Variants in DRC8 observed in about 807,000 individuals in gnomAD.
DRC8 encodes dynein regulatory complex subunit 8, also known as dynein regulatory complex protein 8.
At chr1:245,086,718 A>G in the DRC8 span, 4 of 533,180 alleles carry the variant, frequency 7.5e-6, no homozygotes, top group African/African-American at 7.7e-5. Context: ...TTCTCATGAC[A>G]ACCCTATGTG....
At chr1:245,105,581 C>G in the DRC8 span, among the ~76,000 whole-genome samples, 1 of 146,812 alleles carries the variant, frequency 6.8e-6, no homozygotes, top group Non-Finnish European at 1.5e-5. Flanking sequence ...CATGATCACA[C>G]CATTGCGCTT....
At chr1:245,068,615 T>TG in the DRC8 span, among the ~76,000 whole-genome samples, 2 of 151,830 alleles carry the variant, frequency 1.3e-5, no homozygotes, top group African/African-American at 2.4e-5. Context: ...CTAATTTTTT[T>TG]TTTTTTTTTA....
chr1:245,101,903 T>C, the DRC8 span, among the ~76,000 whole-genome samples: 2 of 152,222 alleles, frequency 1.3e-5, no homozygotes, highest in Non-Finnish European at 2.9e-5. Flanking sequence ...CCTGGATATA[T>C]GGCATAAGAC....
At chr1:245,108,954 G>A in the DRC8 span, among the ~76,000 whole-genome samples, 1 of 152,190 alleles carries the variant, frequency 6.6e-6, no homozygotes, top group Non-Finnish European at 1.5e-5. Flanking sequence ...GTCAAAAGCA[G>A]AACCTGAAAC....
At chr1:245,067,036 T>C in the DRC8 span, among the ~76,000 whole-genome samples, 5 of 152,224 alleles carry the variant, frequency 3.3e-5, no homozygotes, top group Non-Finnish European at 7.3e-5. Flanking sequence ...TACCTTCACA[T>C]TATAAATTTA....
At chr1:245,047,507 C>G in the DRC8 span, among the ~76,000 whole-genome samples, 6 of 151,662 alleles carry the variant, frequency 4.0e-5, no homozygotes, top group South Asian at 1.3e-3. Context: ...TGGTGGCGGG[C>G]GCCTGTAATT....
At chr1:245,010,489 C>T in the DRC8 span, among the ~76,000 whole-genome samples, 1 of 152,054 alleles carries the variant, frequency 6.6e-6, no homozygotes, top group Non-Finnish European at 1.5e-5. Flanking sequence ...TTGTGGTTGT[C>T]GCTGTGCAGA....
chr1:245,000,956 G>T, the DRC8 span, among the ~76,000 whole-genome samples: 1 of 152,010 alleles, frequency 6.6e-6, no homozygotes. Context: ...GCTTGGTGGA[G>T]GAGACTGCAG....
chr1:245,009,028 C>CT, the DRC8 span, among the ~76,000 whole-genome samples: 28,530 of 64,302 alleles, frequency 0.44, 7,499 homozygotes, highest in East Asian at 0.57. Context: ...TTATGCTTTT[C>CT]TTTTTTTTTT....
chr1:245,085,723 G>T, the DRC8 span, among the ~76,000 whole-genome samples: 2 of 152,168 alleles, frequency 1.3e-5, no homozygotes, highest in African/African-American at 4.8e-5. Context: ...TCTGGTGCTG[G>T]TCGGTTTGTT....
chr1:245,078,417 A>G, the DRC8 span, among the ~76,000 whole-genome samples: 1 of 151,684 alleles, frequency 6.6e-6, no homozygotes, highest in Non-Finnish European at 1.5e-5. Flanking sequence ...TAGCTAAGAT[A>G]TGGAAACAAC....
the DRC8 span, among the ~76,000 whole-genome samples, chr1:245,051,230 GA>G: frequency 0.017 from 2,471 of 144,572 alleles, 57 homozygotes; most frequent in African/African-American, 0.057. Context: ...TCTCTATTAA[GA>G]AAAAAAAAAA....
At chr1:245,004,005 C>T in the DRC8 span, among the ~76,000 whole-genome samples, 2 of 40,448 alleles carry the variant, frequency 4.9e-5, no homozygotes, top group Admixed American at 2.5e-4. Flanking sequence ...TAGGCATGTG[C>T]CACCTTCGAG....
At chr1:245,056,925 G>A in the DRC8 span, among the ~76,000 whole-genome samples, 7 of 45,590 alleles carry the variant, frequency 1.5e-4, no homozygotes, top group Non-Finnish European at 4.4e-5. Context: ...GATAGAGCAA[G>A]ACTCCATCTC....
At chr1:245,018,233 A>AAT in the DRC8 span, among the ~76,000 whole-genome samples, 1 of 151,642 alleles carries the variant, frequency 6.6e-6, no homozygotes, top group African/African-American at 2.4e-5. Context: ...TCTCAAAAAA[A>AAT]AAAAAAAAAA....
At chr1:245,112,558 T>C in the DRC8 span, among the ~76,000 whole-genome samples, 1 of 152,224 alleles carries the variant, frequency 6.6e-6, no homozygotes, top group Non-Finnish European at 1.5e-5. Context: ...AACTTCTTTA[T>C]ACTTTTACTT....
chr1:245,068,891 A>G, the DRC8 span, among the ~76,000 whole-genome samples: 1 of 152,328 alleles, frequency 6.6e-6, no homozygotes, highest in Admixed American at 6.5e-5. Flanking sequence ...GCACAAGAAA[A>G]AAAAGGAAGG....
At chr1:245,080,609 A>C in the DRC8 span, among the ~76,000 whole-genome samples, 3 of 152,058 alleles carry the variant, frequency 2.0e-5, no homozygotes, top group African/African-American at 7.2e-5. Context: ...TGTTTTTTCC[A>C]TCCTTACTCA....
At chr1:245,083,877 G>T in the DRC8 span, 3 of 725,884 alleles carry the variant, frequency 4.1e-6, no homozygotes, top group African/African-American at 1.8e-5. Flanking sequence ...AGTAGGGAAA[G>T]GGGAGATGGG....
Sources: gnomAD v4.1 joint callset for allele counts (sites outside exome capture counted in the v4.1 genomes callset) on GRCh38, gnomAD v4.1.1 for gene constraint, MANE v1.5 for transcripts, NCBI Gene and HGNC (gene_info 2026-07-23, HGNC 2026-07-21) for gene names.